The following DSCAM variants were observed in gnomAD, a reference collection of about 807,000 sequenced individuals.
The protein encoded by DSCAM is DS cell adhesion molecule.
DSCAM carries 47 observed loss-of-function variants against 217.7 expected under a neutral mutation model. That is an observed-to-expected ratio of 0.22 (90% confidence interval 0.17 to 0.28). The LOEUF (loss-of-function observed/expected upper bound fraction) is 0.28. DSCAM is among the 10% of genes least tolerant of loss of function. The pLI, the probability that DSCAM is intolerant of heterozygous loss-of-function variation, is 1.00. For missense variants in DSCAM, 2,080 were observed against 2,618.3 expected (o/e 0.79, Z 4.49); for synonymous variants, 1,056 against 1,015.3 (o/e 1.04, Z -0.76).
At chr21:40,694,510 G>C (rs1241744173) in intron 2 of DSCAM, among the ~76,000 whole-genome samples, 1 of 152,174 alleles carries the variant, frequency 6.6e-6, no homozygotes, top group Non-Finnish European at 1.5e-5. Context: ...TTGTAGTAAA[G>C]CATGTCTTTC....
intron 11 of DSCAM, among the ~76,000 whole-genome samples, chr21:40,259,979 G>T (rs1024647323): frequency 6.6e-6 from 1 of 151,926 alleles, no homozygotes; most frequent in African/African-American, 2.4e-5. Context: ...CGCCCGCCTC[G>T]GCCTCCCAAA....
At chr21:40,346,499 TAATC>T (rs150458501) in intron 6 of DSCAM, among the ~76,000 whole-genome samples, 9,292 of 152,260 alleles carry the variant, frequency 0.061, 351 homozygotes, top group East Asian at 0.2. Context: ...TTTATTATTT[TAATC>T]AATTGATATC....
intron 3 of DSCAM, among the ~76,000 whole-genome samples, chr21:40,456,432 C>T (rs1256625553): frequency 1.3e-5 from 2 of 151,616 alleles, no homozygotes; most frequent in Non-Finnish European, 2.9e-5. Context: ...TATACCCAGG[C>T]AGAATAACAT....
chr21:40,186,101 A>C (rs373746231), intron 14 of DSCAM, among the ~76,000 whole-genome samples: 1 of 152,140 alleles, frequency 6.6e-6, no homozygotes, highest in Non-Finnish European at 1.5e-5. Flanking sequence ...ATATCTTCTC[A>C]ATCTTCAAAT....
intron 3 of DSCAM, among the ~76,000 whole-genome samples, chr21:40,431,918 G>A (rs1453366584): frequency 6.6e-6 from 1 of 152,172 alleles, no homozygotes; most frequent in Non-Finnish European, 1.5e-5. Flanking sequence ...GTATTCTTCT[G>A]GCCAGGTGTG....
intron 3 of DSCAM, among the ~76,000 whole-genome samples, chr21:40,607,527 C>A (rs1424358482): frequency 6.6e-6 from 1 of 151,890 alleles, no homozygotes; most frequent in Non-Finnish European, 1.5e-5. Context: ...TGTGTCCCCA[C>A]CCAAATCTCA....
chr21:40,206,980 T>C (rs1373332513), intron 11 of DSCAM, among the ~76,000 whole-genome samples: 2 of 152,224 alleles, frequency 1.3e-5, no homozygotes, highest in African/African-American at 2.4e-5. Context: ...AGAAAGACAT[T>C]GCATGCATGA....
chr21:40,845,567 C>CTCTG (rs1555894721), intron 1 of DSCAM, among the ~76,000 whole-genome samples: 1 of 149,500 alleles, frequency 6.7e-6, no homozygotes, highest in African/African-American at 2.5e-5. Flanking sequence ...CTCTCTCTCT[C>CTCTG]TCTGTCTCTG....
intron 11 of DSCAM, among the ~76,000 whole-genome samples, chr21:40,261,716 A>C (rs1051246124): frequency 4.6e-5 from 7 of 151,496 alleles, no homozygotes; most frequent in Admixed American, 2.6e-4. Flanking sequence ...CATATATACC[A>C]ATATAAAGAG....
At chr21:40,252,560 CTAT>C (rs2073319514) in intron 11 of DSCAM, among the ~76,000 whole-genome samples, 1 of 151,954 alleles carries the variant, frequency 6.6e-6, no homozygotes, top group African/African-American at 2.4e-5. Context: ...ACCTTTCAAT[CTAT>C]TATTTTATTT....
At chr21:40,807,107 A>G (rs2091794967) in intron 1 of DSCAM, among the ~76,000 whole-genome samples, 1 of 79,368 alleles carries the variant, frequency 1.3e-5, no homozygotes, top group African/African-American at 5.5e-5. Context: ...TTAAAGTATA[A>G]TGAATCAATC....
chr21:40,291,190 C>T (rs1470685987), intron 10 of DSCAM, among the ~76,000 whole-genome samples: 1 of 152,192 alleles, frequency 6.6e-6, no homozygotes, highest in Non-Finnish European at 1.5e-5. Context: ...TTTGTCCCTC[C>T]TCCACTGCAG....
chr21:40,301,065 T>C (rs932196148), intron 9 of DSCAM, among the ~76,000 whole-genome samples: 2 of 152,168 alleles, frequency 1.3e-5, no homozygotes, highest in Non-Finnish European at 2.9e-5. Context: ...CCCAAATAAA[T>C]AACCTGCCAG....
At chr21:40,284,772 T>C (rs939481258) in intron 10 of DSCAM, among the ~76,000 whole-genome samples, 2 of 152,180 alleles carry the variant, frequency 1.3e-5, no homozygotes, top group East Asian at 1.9e-4. Flanking sequence ...TAATTCCCTT[T>C]ATTAAATCCC....
intron 1 of DSCAM, among the ~76,000 whole-genome samples, chr21:40,760,073 A>C (rs1462017694): frequency 6.6e-6 from 1 of 151,558 alleles, no homozygotes; most frequent in Non-Finnish European, 1.5e-5. Flanking sequence ...GGCTCACTGC[A>C]ACCTCCACCC....
chr21:40,558,520 C>T (rs1033861443), intron 3 of DSCAM, among the ~76,000 whole-genome samples: 2 of 151,908 alleles, frequency 1.3e-5, no homozygotes, highest in African/African-American at 2.4e-5. Context: ...GTAAGTCCAT[C>T]TATAGAATGA....
At chr21:40,494,613 G>T (rs7410064) in intron 3 of DSCAM, among the ~76,000 whole-genome samples, 13,452 of 151,526 alleles carry the variant, frequency 0.089, 697 homozygotes, top group Middle Eastern at 0.16. Context: ...AGCAAAAGTA[G>T]TTCTAATAAA....
chr21:40,736,401 G>A (rs140624920), intron 1 of DSCAM, among the ~76,000 whole-genome samples: 7 of 152,290 alleles, frequency 4.6e-5, no homozygotes, highest in African/African-American at 7.2e-5. Context: ...CATGGGGGCC[G>A]TGGGTATATT....
intron 3 of DSCAM, among the ~76,000 whole-genome samples, chr21:40,639,838 C>T (rs760119396): frequency 1.3e-5 from 2 of 152,086 alleles, no homozygotes; most frequent in Non-Finnish European, 2.9e-5. Context: ...AATGCTTTTT[C>T]CCTCCATAAA....
Sources: gnomAD v4.1 joint callset for allele counts (sites outside exome capture counted in the v4.1 genomes callset) on GRCh38, gnomAD v4.1.1 for gene constraint, MANE v1.5 for transcripts, NCBI Gene and HGNC (gene_info 2026-07-23, HGNC 2026-07-21) for gene names.